DSCAML1: variants seen among roughly 807,000 people sequenced by gnomAD.
The protein encoded by DSCAML1 is DS cell adhesion molecule like 1.
DSCAML1 carries 38 observed loss-of-function variants against 200.5 expected under a neutral mutation model. That is an observed-to-expected ratio of 0.19 (90% confidence interval 0.15 to 0.25). The LOEUF is 0.25. Among genes scored for constraint, DSCAML1 ranks in the 10% least tolerant of loss-of-function variants. The pLI, the probability that DSCAML1 is intolerant of heterozygous loss-of-function variation, is 1.00. For synonymous variants in DSCAML1, 1,215 were observed against 1,165.0 expected (o/e 1.04, Z -0.87); for missense variants, 2,223 against 2,858.8 (o/e 0.78, Z 5.07).
At chr11:117,436,170 T>G (rs2137071967) in intron 26 of DSCAML1, among the ~76,000 whole-genome samples, 1 of 152,228 alleles carries the variant, frequency 6.6e-6, no homozygotes, top group East Asian at 1.9e-4. Context: ...TGAAGCATGG[T>G]AGGGAGAAGT....
In DSCAML1 at chr11:117,594,495, TC is replaced by T. The variant is rs1159594241; in HGVS notation, c.512-61974del. 7.2e-5 allele frequency among the ~76,000 whole-genome samples: 11 copies of T among 152,240 alleles called. No homozygotes were observed. In the East Asian group the frequency reaches 2.1e-3, roughly 29 times the overall value. On this transcript the variant is annotated intron_variant, in intron 3 of 32. Coordinates refer to ENST00000651296, the MANE Select transcript of DSCAML1 (RefSeq NM_020693.4). ...CAATGCACGCACACCTGTGTGAGTC[TC>T]CCTTCCTAAAACTCCAGGAACAGTC...
At position 117,783,807 on chromosome 11, in the gene DSCAML1, C is replaced by T. The variant is rs191840352; in HGVS notation, c.47-2997G>A. Among the ~76,000 whole-genome samples the T allele has an allele frequency of 1.1e-4, 16 of 152,208 alleles. No individual in the cohort carries two copies. In the East Asian group the frequency reaches 2.1e-3, roughly 20 times the overall value. ...AGAATATGGTTTTTCAGGCTGGGTA[C>T]TTTTCCCAACCCTTCCTCCACCCCA... On this transcript the variant is annotated intron_variant, in intron 1 of 32. Coordinates refer to ENST00000651296, the MANE Select transcript of DSCAML1 (RefSeq NM_020693.4).
intron 16 of DSCAML1, among the ~76,000 whole-genome samples, chr11:117,468,070 T>C (rs1351307484): frequency 6.6e-6 from 1 of 152,100 alleles, no homozygotes; most frequent in Admixed American, 6.5e-5. Context: ...AGATCCTTCC[T>C]GCCTCCTTCC....
chr11:117,612,003 CAGACACACACAG>C lies in DSCAML1; in HGVS notation c.512-79493_512-79482del, dbSNP rs1227732403. On this transcript the variant is annotated intron_variant, in intron 3 of 32. Coordinates refer to ENST00000651296, the MANE Select transcript of DSCAML1 (RefSeq NM_020693.4). ...CATCCCCCCAACACACAAACAGACA[CAGACACACACAG>C]AGACACACACACACACACACAGGGT... The C allele has an allele frequency of 7.2e-5, 11 of 152,390 alleles. No homozygotes were observed. In the East Asian group the frequency reaches 1.9e-3, roughly 27 times the overall value. 9.4% of individuals were successfully genotyped at this position (152,390 alleles called of 1,614,324 possible).
chr11:117,501,495 C>T (rs1247126482), intron 11 of DSCAML1, among the ~76,000 whole-genome samples: 2 of 152,182 alleles, frequency 1.3e-5, no homozygotes, highest in East Asian at 1.9e-4. Flanking sequence ...TGACTGCTGC[C>T]CTGGAGCCTT....
Position 117,512,643 on chromosome 11 carries a change from T to TACACAC in DSCAML1, c.1783+3818_1783+3823dup, listed in dbSNP as rs71037481. On this transcript the variant is annotated intron_variant, in intron 8 of 32. Transcript: ENST00000651296. Reference sequence around the variant, plus strand: ...GGGAAGGTGTGCATGCAAGCGTGTGTACACACACACACACACACACACACA... The same window carrying TACACAC: ...GGGAAGGTGTGCATGCAAGCGTGTGTACACACACACACACACACACACACACACACA... 5.4e-3 allele frequency among the ~76,000 whole-genome samples: 674 copies of TACACAC among 125,182 alleles called. 5 individuals carry two copies. The highest frequency in any genetic ancestry group is 6.4e-3 in the Non-Finnish European group (378 of 59,010). The allele number at this position is 125,182 out of a possible 152,430, so 82.1% of individuals were successfully genotyped here.
chr11:117,664,124 G>T (rs2052924053), intron 3 of DSCAML1, among the ~76,000 whole-genome samples: 1 of 152,214 alleles, frequency 6.6e-6, no homozygotes, highest in Non-Finnish European at 1.5e-5. Context: ...GGAGGCCAGG[G>T]GAGGGGATCA....
intron 11 of DSCAML1, among the ~76,000 whole-genome samples, chr11:117,483,322 G>A (rs982010543): frequency 2.0e-5 from 3 of 152,134 alleles, no homozygotes; most frequent in Admixed American, 6.5e-5. Flanking sequence ...TACCTGCACC[G>A]GCAACATGAA....
At chr11:117,646,163 G>GA (rs35376532) in intron 3 of DSCAML1, among the ~76,000 whole-genome samples, 69,901 of 151,612 alleles carry the variant, frequency 0.46, 19,483 homozygotes, top group Admixed American at 0.64. Flanking sequence ...TTCAAAGTCA[G>GA]AAAAAAAGTC....
chr11:117,816,801 G>GC (rs1034517443), intron 1 of DSCAML1, among the ~76,000 whole-genome samples: 108 of 109,246 alleles, frequency 9.9e-4, no homozygotes, highest in Middle Eastern at 0.01. Context: ...GAATTGCTGG[G>GC]GGGGTGGGGT....
intron 3 of DSCAML1, among the ~76,000 whole-genome samples, chr11:117,772,646 A>T (rs1010793064): frequency 1.3e-5 from 2 of 152,246 alleles, no homozygotes; most frequent in African/African-American, 4.8e-5. Context: ...GGTGGAAATT[A>T]AAAGCTATTA....
chr11:117,709,058 C>T (rs2053800056), intron 3 of DSCAML1, among the ~76,000 whole-genome samples: 1 of 152,188 alleles, frequency 6.6e-6, no homozygotes, highest in Non-Finnish European at 1.5e-5. Flanking sequence ...TAATATTCAC[C>T]TCATGGACTT....
rs373762383 is a variant in DSCAML1, at chr11:117,742,784, TGGA to T, written c.511+34004_511+34006del. 1.7e-3 allele frequency among the ~76,000 whole-genome samples: 255 copies of T among 152,322 alleles called. 1 individual carries two copies. Among genetic ancestry groups the T allele is most frequent in the African/African-American group, 5.7e-3 (236 of 41,570 alleles). On this transcript the variant is annotated intron_variant, in intron 3 of 32. Coordinates refer to ENST00000651296, the MANE Select transcript of DSCAML1 (RefSeq NM_020693.4). ...CATACTCGAATCAGAGAAAAATATT[TGGA>T]GGAGAAGGCTGCTGAGGGTTTGGGG...
intron 3 of DSCAML1, among the ~76,000 whole-genome samples, chr11:117,761,291 G>C (rs1404179894): frequency 1.3e-5 from 2 of 152,102 alleles, no homozygotes; most frequent in African/African-American, 4.8e-5. Flanking sequence ...GCCGCCATAG[G>C]AGGCCTCACA....
Position 117,428,081 on chromosome 11 carries a change from T to G in DSCAML1, c.*247A>C. ...TATGTATATATATCTCCACACATAT[T>G]TTGTGGGGTGGGGGATTTGACTTGT... On this transcript the variant is annotated 3_prime_UTR_variant, in exon 33 of 33. Transcript: ENST00000651296. 4 of 420,224 alleles carry G rather than the reference T, an allele frequency of 9.5e-6. No individual in the cohort carries two copies. Among genetic ancestry groups the G allele is most frequent in the African/African-American group, 2.1e-5 (1 of 46,736 alleles). 26.0% of individuals were successfully genotyped at this position (420,224 alleles called of 1,614,324 possible). A position where few individuals can be genotyped will look rare whatever the true frequency, so the allele number is the denominator to read the frequency against.
At chr11:117,655,448 A>G (rs936922144) in intron 3 of DSCAML1, among the ~76,000 whole-genome samples, 1 of 152,270 alleles carries the variant, frequency 6.6e-6, no homozygotes, top group African/African-American at 2.4e-5. Flanking sequence ...ATGAGGAAAC[A>G]GAAACTCAGA....
At chr11:117,789,196 T>A (rs771610110) in intron 1 of DSCAML1, among the ~76,000 whole-genome samples, 1 of 152,166 alleles carries the variant, frequency 6.6e-6, no homozygotes, top group Admixed American at 6.5e-5. Context: ...CGAGGTCCAG[T>A]GGAGACGCAG....
chr11:117,583,581 C>A (rs2051083949), intron 3 of DSCAML1, among the ~76,000 whole-genome samples: 1 of 152,206 alleles, frequency 6.6e-6, no homozygotes, highest in Non-Finnish European at 1.5e-5. Flanking sequence ...CCATTACCCT[C>A]CGTTCTGCAT....
At chr11:117,629,635 A>G (rs2052130333) in intron 3 of DSCAML1, among the ~76,000 whole-genome samples, 1 of 152,172 alleles carries the variant, frequency 6.6e-6, no homozygotes, top group Non-Finnish European at 1.5e-5. Flanking sequence ...ACTCAGAGAC[A>G]GTCAGGGAGA....
Sources: allele counts gnomAD v4.1 joint callset (sites outside exome capture counted in the v4.1 genomes callset), GRCh38; gene constraint gnomAD v4.1.1; transcripts MANE v1.5; gene names NCBI Gene and HGNC (gene_info 2026-07-23, HGNC 2026-07-21).